Variants in AKR7A2 observed in about 807,000 individuals in gnomAD.
AKR7A2 encodes aldo-keto reductase family 7 member A2.
Under a neutral mutation model 37.3 loss-of-function variants are expected in AKR7A2, and 29 were observed. That is an observed-to-expected ratio of 0.78 (90% CI 0.58 to 1.06). The LOEUF is 1.06. AKR7A2 is among the 50% of genes least tolerant of loss of function. The pLI is 0.00. For synonymous variants in AKR7A2, 228 were observed against 217.8 expected, an observed-to-expected ratio of 1.05 and a Z score of -0.41; for missense variants, 529 against 497.9, an observed-to-expected ratio of 1.06 and a Z score of -0.59.
At chr1:19,305,600 A>G (rs3790778) in intron 6 of AKR7A2, among the ~76,000 whole-genome samples, 52,674 of 152,092 alleles carry the variant, frequency 0.35, 9,913 homozygotes, top group East Asian at 0.58. Flanking sequence ...TCGGCCTCCC[A>G]AAGTGCTGGA....
rs373229523 is a variant in AKR7A2, at chr1:19,307,141, C to T, written c.689-40G>A. 7 of 1,610,722 alleles carry T rather than the reference C, an allele frequency of 4.3e-6. No homozygotes were observed. The African/African-American group carries it at 8.0e-5, about 18-fold the overall frequency. On this transcript the variant is annotated intron_variant, in intron 4 of 6. Coordinates refer to ENST00000235835, the MANE Select transcript of AKR7A2 (RefSeq NM_003689.4). ...CAATCAGCCCCTGGCCCCAGAGTGC[C>T]CCAGAAGCTGCCACATCCCTCAGGG...
In AKR7A2 at chr1:19,304,188, G is replaced by A. The variant is rs747278746; in HGVS notation, c.*37C>T. Reference sequence around the variant, plus strand: ...GTCAGTGTGAGAGAACAAAAGAGGTGACAGAAAAGCCTTGGGCAGCCTGAG... The same window carrying A: ...GTCAGTGTGAGAGAACAAAAGAGGTAACAGAAAAGCCTTGGGCAGCCTGAG... On this transcript the variant is annotated 3_prime_UTR_variant, in exon 7 of 7. Coordinates refer to ENST00000235835, the MANE Select transcript of AKR7A2 (RefSeq NM_003689.4). The A allele has an allele frequency of 4.3e-6, 7 of 1,614,220 alleles. No individual in the cohort carries two copies. In the Admixed American group the frequency reaches 1.2e-4, roughly 27 times the overall value.
chr1:19,308,324 G>T, intron 2 of AKR7A2, 62 bp from the exon 3 acceptor site: 1 of 1,610,590 alleles, frequency 6.2e-7, no homozygotes. Context: ...GGAGGCCAGG[G>T]TGGGGCCCCA....
At chr1:19,306,427 C>T (rs2093761778) in intron 5 of AKR7A2, among the ~76,000 whole-genome samples, 1 of 152,074 alleles carries the variant, frequency 6.6e-6, no homozygotes. Flanking sequence ...GCAGGATTCC[C>T]TCCTGGGCTC....
At chr1:19,304,778 A>T (rs575938767) in intron 6 of AKR7A2, among the ~76,000 whole-genome samples, 1 of 152,132 alleles carries the variant, frequency 6.6e-6, no homozygotes, top group Non-Finnish European at 1.5e-5. Flanking sequence ...TCTACAAAAA[A>T]CAACAAAACA....
intron 3 of AKR7A2, 191 bp from the exon 4 acceptor site, chr1:19,307,601 C>T: frequency 1.5e-6 from 1 of 654,564 alleles, no homozygotes; most frequent in East Asian, 2.7e-5. Context: ...GGTATCTTTC[C>T]ACAAATATCT....
At chr1:19,311,640 A>C (rs530190739) in intron 1 of AKR7A2, among the ~76,000 whole-genome samples, 187 bp downstream of exon 1, 18 of 151,822 alleles carry the variant, frequency 1.2e-4, no homozygotes, top group Admixed American at 3.3e-4. Context: ...AGAGTGGGGG[A>C]AAGGAGTCAG....
At chr1:19,311,703 G>A (rs1309216206) in intron 1 of AKR7A2, 124 bp downstream of exon 1, 3 of 1,242,706 alleles carry the variant, frequency 2.4e-6, no homozygotes, top group South Asian at 1.3e-5. Context: ...GGGTGGACCT[G>A]GGGTGGGGAG....
At position 19,304,291 on chromosome 1, in the gene AKR7A2, A is replaced by C. The variant is rs11550269; in HGVS notation, c.1014T>G (p.Ala338=). ...AGGCTTGATTAAAGGCATCCACGACAGCCGGCTCCAGGGGCCCTTCCTCTG... is the reference window on the plus strand; with the variant it reads ...AGGCTTGATTAAAGGCATCCACGACCGCCGGCTCCAGGGGCCCTTCCTCTG... ...AATEEGPLEP[A]VVDAFNQAWH... is the part of the protein sequence containing the mutation. The change falls in exon 7 of 7, where the codon GCT becomes GCG. Residue 338 remains alanine, a synonymous_variant. Coordinates refer to ENST00000235835, the MANE Select transcript of AKR7A2 (RefSeq NM_003689.4). 8.2e-4 allele frequency: 1,320 copies of C among 1,614,024 alleles called. 7 individuals carry two copies. The African/African-American group carries it at 0.014, about 18-fold the overall frequency.
In AKR7A2 at chr1:19,312,066, G is replaced by T; in HGVS notation, c.59C>A (p.Ser20Tyr). ...SRAAVHCALRSPPPEARALAM... is the reference protein window; with the variant it reads ...SRAAVHCALRYPPPEARALAM... ...GAGCGCGCGGGCCTCGGGCGGCGGA[G>T]AGCGAAGCGCGCAGTGGACGGCGGC... The change falls in exon 1 of 7, where the codon TCT becomes TAT. Residue 20 changes from serine (S) to tyrosine (Y), a missense_variant. Ser to Tyr is a moderately radical substitution (Grantham distance 144). Coordinates refer to ENST00000235835, the MANE Select transcript of AKR7A2 (RefSeq NM_003689.4). The T allele has an allele frequency of 7.4e-7, 1 of 1,359,828 alleles. No individual in the cohort carries two copies. Among genetic ancestry groups the T allele is most frequent in the South Asian group, 1.9e-5 (1 of 53,594 alleles). 84.2% of individuals were successfully genotyped at this position (1,359,828 alleles called of 1,614,324 possible).
rs994382359 is a variant in AKR7A2, at chr1:19,306,079, G to A, written c.857C>T (p.Ala286Val). 5 of 1,614,058 alleles carry A rather than the reference G, an allele frequency of 3.1e-6. No homozygotes were observed. In the Admixed American group the frequency reaches 8.3e-5, roughly 27 times the overall value. Residue 286 changes from alanine (A) to valine (V), a missense_variant, in exon 6 of 7, where the codon GCC becomes GTC. Transcript: ENST00000235835. ...VEKALQAAYG[A>V]SAPSVTSAAL... is the part of the protein sequence containing the mutation. ...AGCCGAGGTCACACTGGGGGCGCTG[G>A]CGCCATATGCGGCCTGCAGGGCCTT...
chr1:19,307,262 G>A (rs908449908), intron 4 of AKR7A2, 52 bp downstream of exon 4: 2 of 1,610,366 alleles, frequency 1.2e-6, no homozygotes, highest in East Asian at 4.5e-5. Flanking sequence ...TCTGGGCTGG[G>A]CATCTGTGGG....
At chr1:19,309,557 C>T (rs919103601) in intron 1 of AKR7A2, among the ~76,000 whole-genome samples, 1 of 152,214 alleles carries the variant, frequency 6.6e-6, no homozygotes, top group African/African-American at 2.4e-5. Context: ...GCTATGACAA[C>T]AGTGTTCTGC....
In AKR7A2 at chr1:19,308,442, A is replaced by C; in HGVS notation, c.486+13T>G. The C allele has an allele frequency of 6.2e-7, 1 of 1,612,974 alleles. No homozygotes were observed. Among genetic ancestry groups the C allele is most frequent in the South Asian group, 1.1e-5 (1 of 91,018 alleles). On this transcript the variant is annotated intron_variant, in intron 2 of 6. Transcript: ENST00000235835. ...GCAGGAGCCCACCTTTGGAGCTCGG[A>C]GGGCCCCCTCACCTCCTGGTGCAGC...
downstream of AKR7A2, among the ~76,000 whole-genome samples, chr1:19,302,855 T>C (rs1280219780): frequency 1.3e-5 from 2 of 151,876 alleles, no homozygotes; most frequent in Non-Finnish European, 2.9e-5. Context: ...CACACACAGA[T>C]TAATTTTTTG....
rs1169976928 is a variant in AKR7A2, at chr1:19,307,029, T to G, written c.761A>C (p.Asn254Thr). Residue 254 changes from asparagine to threonine, a missense_variant, in exon 5 of 7, where the codon AAT becomes ACT. Coordinates refer to ENST00000235835, the MANE Select transcript of AKR7A2 (RefSeq NM_003689.4). ...ATTCCTGTAGGTCTCAGCCCAGCTATTCCCAAAGAAGCGGCCCACAGGCTG... is the reference window on the plus strand; with the variant it reads ...ATTCCTGTAGGTCTCAGCCCAGCTAGTCCCAAAGAAGCGGCCCACAGGCTG... Reference protein sequence around the residue: ...GKQPVGRFFGNSWAETYRNRF... With the variant: ...GKQPVGRFFGTSWAETYRNRF... The G allele has an allele frequency of 6.2e-7, 1 of 1,614,134 alleles. No individual in the cohort carries two copies. Among genetic ancestry groups the G allele is most frequent in the East Asian group, 2.2e-5 (1 of 44,872 alleles).
At chr1:19,309,131 C>A (rs959956852) in intron 1 of AKR7A2, among the ~76,000 whole-genome samples, 5 of 152,206 alleles carry the variant, frequency 3.3e-5, no homozygotes, top group Non-Finnish European at 5.9e-5. Context: ...GGAACCCATG[C>A]AAAGTCAAAG....
chr1:19,311,418 G>A (rs2093774852), intron 1 of AKR7A2, among the ~76,000 whole-genome samples: 1 of 152,236 alleles, frequency 6.6e-6, no homozygotes, highest in African/African-American at 2.4e-5. Flanking sequence ...TCAAATTCTA[G>A]TGGTTAAGAA....
At chr1:19,308,337 G>C in intron 2 of AKR7A2, 75 bp from the exon 3 acceptor site, 1 of 1,602,400 alleles carries the variant, frequency 6.2e-7, no homozygotes, top group Non-Finnish European at 8.5e-7. Context: ...GGGCCCCAGG[G>C]AATGGGGCTA....
Sources: allele counts gnomAD v4.1 joint callset (sites outside exome capture counted in the v4.1 genomes callset), GRCh38; gene constraint gnomAD v4.1.1; transcripts MANE v1.5; gene names NCBI Gene and HGNC (gene_info 2026-07-23, HGNC 2026-07-21).